GRM5: variants seen among roughly 807,000 people sequenced by gnomAD.
GRM5 encodes metabotropic glutamate receptor 5.
In GRM5, 19 loss-of-function variants were observed where a neutral mutation model predicts 83.1. The observed-to-expected ratio is 0.23, with a 90% CI of 0.16 to 0.34. The LOEUF is 0.34. Ranked by LOEUF, GRM5 falls within the 10% of genes least tolerant of loss-of-function variation. The pLI is 1.00. For missense variants in GRM5, 1,160 were observed against 1,588.3 expected (o/e 0.73, Z 4.58); for synonymous variants, 675 against 633.6 (o/e 1.07, Z -0.98).
chr11:88,944,798 T>A (rs1224878449), intron 2 of GRM5, among the ~76,000 whole-genome samples: 1 of 151,788 alleles, frequency 6.6e-6, no homozygotes, highest in Non-Finnish European at 1.5e-5. Flanking sequence ...CCTAGAGAAC[T>A]AGAACAAGAC....
intron 5 of GRM5, 142 bp from the exon 6 acceptor site, chr11:88,597,494 CA>C (rs150350716): frequency 5.1e-5 from 26 of 510,768 alleles, no homozygotes; most frequent in South Asian, 1.7e-4. Flanking sequence ...CTTAGAATAA[CA>C]AAAAAAATCT....
At chr11:89,044,449 G>C (rs565819516) in intron 2 of GRM5, among the ~76,000 whole-genome samples, 6 of 152,078 alleles carry the variant, frequency 3.9e-5, no homozygotes, top group Non-Finnish European at 8.8e-5. Flanking sequence ...CTGAAACCCA[G>C]TTTTCCTTGT....
intron 3 of GRM5, among the ~76,000 whole-genome samples, chr11:88,795,248 C>T (rs936483449): frequency 1.3e-5 from 2 of 152,180 alleles, no homozygotes; most frequent in African/African-American, 2.4e-5. Flanking sequence ...GGGCAGGCAA[C>T]TTGGCCAAAG....
At chr11:88,690,889 T>C (rs1344952117) in intron 3 of GRM5, among the ~76,000 whole-genome samples, 2 of 152,356 alleles carry the variant, frequency 1.3e-5, no homozygotes, top group South Asian at 2.1e-4. Context: ...TTATTCATCT[T>C]TCTGCTCAGT....
chr11:88,607,552 A>G (rs1038041434), intron 4 of GRM5, among the ~76,000 whole-genome samples: 1 of 152,214 alleles, frequency 6.6e-6, no homozygotes, highest in African/African-American at 2.4e-5. Flanking sequence ...CAATCCTCTG[A>G]TCAAACTTCC....
chr11:88,839,379 C>CA (rs1405822179), intron 3 of GRM5, among the ~76,000 whole-genome samples: 4 of 151,896 alleles, frequency 2.6e-5, no homozygotes, highest in Admixed American at 1.3e-4. Flanking sequence ...GAAAAATAAA[C>CA]AAAAAATGGT....
chr11:88,951,090 T>A (rs1334571624), intron 2 of GRM5, among the ~76,000 whole-genome samples: 1 of 152,134 alleles, frequency 6.6e-6, no homozygotes, highest in Non-Finnish European at 1.5e-5. Context: ...TGTGTGTGTG[T>A]GTGTATCTGT....
At chr11:88,699,531 T>C (rs1940979476) in intron 3 of GRM5, among the ~76,000 whole-genome samples, 1 of 152,142 alleles carries the variant, frequency 6.6e-6, no homozygotes. Context: ...ATCATCTTCA[T>C]CTAAGAGCAG....
At chr11:88,573,166 T>G (rs150889088) in intron 7 of GRM5, among the ~76,000 whole-genome samples, 1 of 152,186 alleles carries the variant, frequency 6.6e-6, no homozygotes, top group Non-Finnish European at 1.5e-5. Context: ...TGAACTGACA[T>G]ATATTGAAAA....
rs537506791 is a variant in GRM5, at chr11:88,861,390, A to G, written c.662-11235T>C. 5.8e-4 allele frequency among the ~76,000 whole-genome samples: 89 copies of G among 152,182 alleles called. 1 individual carries two copies. The South Asian group carries it at 0.017, about 30-fold the overall frequency. On this transcript the variant is annotated intron_variant, in intron 2 of 9. Transcript: ENST00000305447. ...TCTCTTATTCCTGGAATACCCTTCT[A>G]TTTAGCTAATTCCTACCCATCCTTC...
At chr11:88,635,732 G>T (rs543022195) in intron 4 of GRM5, among the ~76,000 whole-genome samples, 1 of 151,970 alleles carries the variant, frequency 6.6e-6, no homozygotes, top group African/African-American at 2.4e-5. Flanking sequence ...ATGCATTTGG[G>T]GTCATACCCC....
intron 2 of GRM5, among the ~76,000 whole-genome samples, chr11:88,881,567 A>G (rs1016387116): frequency 6.6e-5 from 10 of 152,216 alleles, no homozygotes; most frequent in Admixed American, 1.3e-4. Context: ...CTTCACTAGA[A>G]GAAAAGCAGT....
chr11:88,558,837 A>T (rs981004937), intron 8 of GRM5, among the ~76,000 whole-genome samples: 1 of 151,110 alleles, frequency 6.6e-6, no homozygotes, highest in Admixed American at 6.6e-5. Context: ...ACAACAAACA[A>T]CACAAACACA....
chr11:88,929,970 T>G (rs1286238487), intron 2 of GRM5, among the ~76,000 whole-genome samples: 1 of 152,096 alleles, frequency 6.6e-6, no homozygotes, highest in African/African-American at 2.4e-5. Flanking sequence ...TTCAAAGAAA[T>G]AAATCAAAAT....
chr11:88,703,929 C>G (rs12418224), intron 3 of GRM5, among the ~76,000 whole-genome samples: 40 of 152,050 alleles, frequency 2.6e-4, no homozygotes, highest in Admixed American at 1.8e-3. Context: ...AAAATACCAG[C>G]GACTGGGTTT....
intron 4 of GRM5, among the ~76,000 whole-genome samples, chr11:88,651,248 T>G (rs188244218): frequency 1.6e-3 from 236 of 152,096 alleles, no homozygotes; most frequent in Middle Eastern, 3.4e-3. Flanking sequence ...AACAAATAAC[T>G]ATTTTCAAGA....
intron 2 of GRM5, among the ~76,000 whole-genome samples, chr11:89,027,653 T>C (rs1163895440): frequency 6.6e-6 from 1 of 152,210 alleles, no homozygotes; most frequent in African/African-American, 2.4e-5. Flanking sequence ...ATCTAAATCC[T>C]GAAAGGAAAC....
intron 4 of GRM5, among the ~76,000 whole-genome samples, chr11:88,642,666 T>A (rs994425104): frequency 6.6e-6 from 1 of 152,110 alleles, no homozygotes; most frequent in Non-Finnish European, 1.5e-5. Flanking sequence ...TGCTTAGAAA[T>A]TTCCTTAGCA....
At chr11:88,985,282 C>T (rs1591020636) in intron 2 of GRM5, among the ~76,000 whole-genome samples, 2 of 152,034 alleles carry the variant, frequency 1.3e-5, no homozygotes, top group Non-Finnish European at 2.9e-5. Flanking sequence ...CAGACTCTGG[C>T]AAATTTTAGG....
Sources: allele counts gnomAD v4.1 joint callset (sites outside exome capture counted in the v4.1 genomes callset), GRCh38; gene constraint gnomAD v4.1.1; transcripts MANE v1.5; gene names NCBI Gene and HGNC (gene_info 2026-07-23, HGNC 2026-07-21).